ENTHD1: variants seen among roughly 807,000 people sequenced by gnomAD.
The protein encoded by ENTHD1 is ENTH domain containing 1, also known as ENTH domain-containing protein 1.
Under a neutral mutation model 39.1 loss-of-function variants are expected in ENTHD1, and 23 were observed. The observed-to-expected ratio is 0.59, with a 90% CI of 0.42 to 0.83. The LOEUF (loss-of-function observed/expected upper bound fraction) is 0.83. ENTHD1 is among the 40% of genes least tolerant of loss of function. ENTHD1 has a pLI of 0.00. For missense variants in ENTHD1, 624 were observed against 705.4 expected (o/e 0.88, Z 1.31); for synonymous variants, 230 against 258.2 (o/e 0.89, Z 1.05).
At chr22:39,883,369 C>G (rs2066355116) in intron 2 of ENTHD1, among the ~76,000 whole-genome samples, 1 of 152,032 alleles carries the variant, frequency 6.6e-6, no homozygotes, top group Non-Finnish European at 1.5e-5. Flanking sequence ...TATACCTTAT[C>G]TTATACATAT....
chr22:39,744,170 A>C lies in ENTHD1; in HGVS notation c.1333T>G (p.Ser445Ala). Residue 445 changes from serine (S) to alanine (A), a missense_variant, in exon 7 of 7, where the codon TCC (serine) becomes GCC (alanine). Coordinates refer to ENST00000325157, the MANE Select transcript of ENTHD1 (RefSeq NM_152512.4). ...HLLSPILAGP[S>A]FWTLSHQQLS... is the part of the protein sequence containing the mutation. ...TGTTGATGGGACAGAGTCCAGAAGG[A>C]AGGTCCGGCCAGAATTGGTGATAAG... The C allele has an allele frequency of 1.9e-6, 3 of 1,614,166 alleles. No individual in the cohort carries two copies. Among genetic ancestry groups the C allele is most frequent in the Non-Finnish European group, 2.5e-6 (3 of 1,180,002 alleles).
At chr22:39,844,622 T>TA (rs1276707029) in intron 3 of ENTHD1, among the ~76,000 whole-genome samples, 12 of 152,028 alleles carry the variant, frequency 7.9e-5, no homozygotes, top group South Asian at 2.1e-4. Flanking sequence ...CTAAAATTTC[T>TA]AAAAGAAAAA....
At chr22:39,828,519 T>G (rs936563232) in intron 4 of ENTHD1, among the ~76,000 whole-genome samples, 2 of 152,200 alleles carry the variant, frequency 1.3e-5, no homozygotes, top group Admixed American at 6.5e-5. Flanking sequence ...TACTCTTCAT[T>G]TAGCAAAATA....
At chr22:39,859,890 T>G (rs1448330661) in intron 3 of ENTHD1, among the ~76,000 whole-genome samples, 1 of 152,204 alleles carries the variant, frequency 6.6e-6, no homozygotes, top group Non-Finnish European at 1.5e-5. Flanking sequence ...ATCTGTGAAG[T>G]GTAATTAAGC....
intron 5 of ENTHD1, among the ~76,000 whole-genome samples, chr22:39,806,244 C>T (rs2065639725): frequency 6.6e-6 from 1 of 152,214 alleles, no homozygotes; most frequent in Non-Finnish European, 1.5e-5. Context: ...TTTCCTTAAA[C>T]ATTATTTAAA....
intron 2 of ENTHD1, among the ~76,000 whole-genome samples, chr22:39,885,227 A>C (rs955498610): frequency 2.0e-5 from 3 of 152,248 alleles, no homozygotes. Context: ...ACAAATTGCC[A>C]ACAACGACAT....
Position 39,821,055 on chromosome 22 carries a change from G to T in ENTHD1, c.770C>A (p.Ser257Tyr), listed in dbSNP as rs1179290591. 2 of 1,614,088 alleles carry T rather than the reference G, an allele frequency of 1.2e-6. No individual in the cohort carries two copies. The highest frequency in any genetic ancestry group is 3.3e-5 in the Admixed American group (2 of 60,028). The part of the protein sequence containing the change: ...PELPLLATPP[S>Y]IVSPITCLSE... The stretch of plus-strand genomic sequence containing the variant: ...CAAGCAAGTGATTGGAGAGACAATG[G>T]AAGGAGGTGTTGCTAGTAAAGGCAG... The change falls in exon 5 of 7, where the codon TCC becomes TAC. Residue 257 changes from serine to tyrosine, a missense_variant. By Grantham distance (144) the Ser-to-Tyr change is moderately radical. Transcript: ENST00000325157.
At chr22:39,750,209 TTAA>T (rs1348110043) in intron 6 of ENTHD1, 1 of 201,600 alleles carries the variant, frequency 5.0e-6, no homozygotes, top group Non-Finnish European at 1.1e-5. Context: ...ACTGTTCATA[TTAA>T]TGAGAAAATG....
intron 2 of ENTHD1, chr22:39,875,994 A>G: frequency 4.3e-6 from 7 of 1,613,924 alleles, no homozygotes; most frequent in Non-Finnish European, 5.9e-6. Flanking sequence ...GGTGGTTATT[A>G]CTGCCCTTGC....
At chr22:39,771,349 T>A (rs2065322298) in intron 5 of ENTHD1, among the ~76,000 whole-genome samples, 1 of 152,138 alleles carries the variant, frequency 6.6e-6, no homozygotes, top group Non-Finnish European at 1.5e-5. Context: ...CTTGCTACCC[T>A]GAATCCAGCC....
intron 2 of ENTHD1, among the ~76,000 whole-genome samples, chr22:39,880,649 G>T (rs986292753): frequency 6.6e-6 from 1 of 152,098 alleles, no homozygotes; most frequent in African/African-American, 2.4e-5. Flanking sequence ...TCTAAAAAAC[G>T]AAGTTTATTT....
chr22:39,852,319 C>A (rs1354260384), intron 3 of ENTHD1, among the ~76,000 whole-genome samples: 1 of 152,104 alleles, frequency 6.6e-6, no homozygotes, highest in Non-Finnish European at 1.5e-5. Context: ...TGTACTTCAG[C>A]CTGGACAACA....
intron 4 of ENTHD1, among the ~76,000 whole-genome samples, chr22:39,826,064 A>G (rs1012941229): frequency 6.6e-6 from 1 of 152,062 alleles, no homozygotes; most frequent in Non-Finnish European, 1.5e-5. Flanking sequence ...TGCATTTTTT[A>G]TAGACACATG....
intron 3 of ENTHD1, among the ~76,000 whole-genome samples, chr22:39,849,451 A>G (rs1256262643): frequency 6.6e-6 from 1 of 152,186 alleles, no homozygotes; most frequent in Non-Finnish European, 1.5e-5. Context: ...CTGTTTCAAA[A>G]TATCAATAGT....
At chr22:39,864,602 G>A (rs1030903586) in intron 2 of ENTHD1, among the ~76,000 whole-genome samples, 1 of 152,196 alleles carries the variant, frequency 6.6e-6, no homozygotes, top group East Asian at 1.9e-4. Context: ...TATCTTCAGT[G>A]TCTGCAAGAG....
intron 5 of ENTHD1, among the ~76,000 whole-genome samples, chr22:39,791,290 ATAGT>A (rs1305164503): frequency 4.0e-5 from 6 of 148,172 alleles, no homozygotes; most frequent in South Asian, 4.2e-4. Context: ...TTTAGACTAT[ATAGT>A]TAGACTACAT....
chr22:39,852,167 T>C (rs2066045755), intron 3 of ENTHD1, among the ~76,000 whole-genome samples: 1 of 150,240 alleles, frequency 6.7e-6, no homozygotes, highest in Non-Finnish European at 1.5e-5. Flanking sequence ...ACTTTGTTTC[T>C]ACCAAAAAAA....
intron 5 of ENTHD1, among the ~76,000 whole-genome samples, chr22:39,790,145 T>C (rs2065492542): frequency 6.6e-6 from 1 of 152,084 alleles, no homozygotes; most frequent in Non-Finnish European, 1.5e-5. Flanking sequence ...AAAGATGTCC[T>C]TGTGTGAGAT....
At chr22:39,840,638 G>A (rs1569162623) in intron 3 of ENTHD1, among the ~76,000 whole-genome samples, 1 of 152,188 alleles carries the variant, frequency 6.6e-6, no homozygotes, top group Non-Finnish European at 1.5e-5. Context: ...GTGGGCTAAG[G>A]AAGAGCTAGT....
Sources: gnomAD v4.1 joint callset for allele counts (sites outside exome capture counted in the v4.1 genomes callset) on GRCh38, gnomAD v4.1.1 for gene constraint, MANE v1.5 for transcripts, NCBI Gene and HGNC (gene_info 2026-07-23, HGNC 2026-07-21) for gene names.